Variants in ATG5 observed in about 807,000 individuals in gnomAD.
The protein encoded by ATG5 is autophagy protein 5.
ATG5 carries 14 observed loss-of-function variants against 36.5 expected under a neutral mutation model. The observed-to-expected ratio is 0.38, with a 90% confidence interval of 0.25 to 0.60. The LOEUF (loss-of-function observed/expected upper bound fraction) is 0.60, where lower values mean the gene tolerates loss of function less well. ATG5 is among the 20% of genes least tolerant of loss of function. The pLI is 0.60. For missense variants in ATG5, 195 were observed against 326.7 expected (o/e 0.60, Z 3.11); for synonymous variants, 95 against 101.5 (o/e 0.94, Z 0.38).
At chr6:106,283,640 T>C (rs1188932184) in intron 4 of ATG5, 1 of 152,228 alleles carries the variant, frequency 6.6e-6, no homozygotes, top group Non-Finnish European at 1.5e-5. Flanking sequence ...CCAGAACTCC[T>C]GGGCTCAAGC....
chr6:106,220,424 G>A (rs1261279561), intron 6 of ATG5, among the ~76,000 whole-genome samples: 1 of 150,166 alleles, frequency 6.7e-6, no homozygotes, highest in Non-Finnish European at 1.5e-5. Context: ...TCACACACAA[G>A]AACTGAGGCG....
intron 6 of ATG5, 152 bp downstream of exon 6, chr6:106,247,998 C>G: frequency 1.8e-6 from 1 of 561,776 alleles, no homozygotes; most frequent in Non-Finnish European, 3.1e-6. Context: ...AGTGCGGTAT[C>G]TGACTTGATT....
At chr6:106,215,919 A>G (rs1278424126) in intron 6 of ATG5, among the ~76,000 whole-genome samples, 1 of 152,250 alleles carries the variant, frequency 6.6e-6, no homozygotes, top group African/African-American at 2.4e-5. Context: ...AAAAAGTTAA[A>G]GAAGTCAATT....
chr6:106,243,535 A>G (rs1397481665), intron 6 of ATG5, among the ~76,000 whole-genome samples: 1 of 151,846 alleles, frequency 6.6e-6, no homozygotes, highest in African/African-American at 2.4e-5. Context: ...CTGGGGAAAA[A>G]AAAAAAAAAA....
At chr6:106,186,721 TGAA>T (rs1407161308) in intron 7 of ATG5, 45 bp from the exon 8 acceptor site, 1 of 1,596,514 alleles carries the variant, frequency 6.3e-7, no homozygotes, top group Non-Finnish European at 8.5e-7. Flanking sequence ...TCAAAACAGT[TGAA>T]GAAAAAATAA....
chr6:106,221,078 G>A (rs1432080859), intron 6 of ATG5, among the ~76,000 whole-genome samples: 1 of 152,170 alleles, frequency 6.6e-6, no homozygotes. Context: ...AATGAAAAAT[G>A]GGAGGACTGA....
chr6:106,210,303 G>A (rs1776806339), intron 6 of ATG5, among the ~76,000 whole-genome samples: 1 of 152,156 alleles, frequency 6.6e-6, no homozygotes, highest in Non-Finnish European at 1.5e-5. Flanking sequence ...TAATACTGGA[G>A]ATCTTTAAAA....
chr6:106,282,610 T>C (rs1264640996), intron 4 of ATG5, among the ~76,000 whole-genome samples: 1 of 152,214 alleles, frequency 6.6e-6, no homozygotes, highest in Non-Finnish European at 1.5e-5. Context: ...CGATAAACCA[T>C]CATGTAGCAT....
At chr6:106,307,493 A>T (rs1324603498) in intron 3 of ATG5, among the ~76,000 whole-genome samples, 3 of 150,646 alleles carry the variant, frequency 2.0e-5, no homozygotes, top group Non-Finnish European at 4.4e-5. Flanking sequence ...AAACATCATT[A>T]GTACATGGAT....
At chr6:106,198,042 T>C (rs922799311) in intron 7 of ATG5, among the ~76,000 whole-genome samples, 1 of 152,114 alleles carries the variant, frequency 6.6e-6, no homozygotes, top group African/African-American at 2.4e-5. Context: ...AAATAACTCA[T>C]CTATATTCCA....
chr6:106,229,307 G>A (rs1777574337), intron 6 of ATG5, among the ~76,000 whole-genome samples: 1 of 152,206 alleles, frequency 6.6e-6, no homozygotes, highest in Non-Finnish European at 1.5e-5. Flanking sequence ...GGGCAGTTAT[G>A]TGGGACCTGT....
rs1466755726 is a variant in ATG5, at chr6:106,244,141, T to C, written c.573+4009A>G. On this transcript the variant is annotated intron_variant, in intron 6 of 7. Transcript: ENST00000369076. Reference sequence around the variant, plus strand: ...CTATGTTGTATCCAGGCTGGTCTCATTTTAACTTTATTAGAAAACAAGCAT... The same window carrying C: ...CTATGTTGTATCCAGGCTGGTCTCACTTTAACTTTATTAGAAAACAAGCAT... Among the ~76,000 whole-genome samples, 5 of 151,988 alleles carry C rather than the reference T, an allele frequency of 3.3e-5. 1 individual carries two copies. The highest frequency in any genetic ancestry group is 1.2e-4 in the African/African-American group (5 of 41,396).
At chr6:106,301,101 A>G (rs1042585282) in intron 3 of ATG5, among the ~76,000 whole-genome samples, 3 of 152,200 alleles carry the variant, frequency 2.0e-5, no homozygotes, top group Middle Eastern at 3.4e-3. Flanking sequence ...AGTTGTGGTA[A>G]TAAGAAACTT....
intron 7 of ATG5, among the ~76,000 whole-genome samples, chr6:106,187,086 T>C (rs565066815): frequency 8.1e-4 from 124 of 152,284 alleles, no homozygotes; most frequent in South Asian, 3.3e-3. Flanking sequence ...ATTTTGAAAA[T>C]GTAAAATAGA....
At chr6:106,202,296 T>C in intron 6 of ATG5, 1 of 446,576 alleles carries the variant, frequency 2.2e-6, no homozygotes, top group Non-Finnish European at 4.0e-6. Context: ...AACAGACAAA[T>C]CCAAAGTTGG....
intron 6 of ATG5, among the ~76,000 whole-genome samples, chr6:106,218,850 T>TC (rs1358485893): frequency 6.6e-6 from 1 of 152,200 alleles, no homozygotes; most frequent in Non-Finnish European, 1.5e-5. Context: ...ACAGGTATTT[T>TC]CCCTTTAGCA....
chr6:106,187,010 T>A (rs374004871), intron 7 of ATG5, among the ~76,000 whole-genome samples: 5 of 152,224 alleles, frequency 3.3e-5, no homozygotes, highest in East Asian at 1.9e-4. Context: ...TTTATTTTAG[T>A]TATACATTAA....
chr6:106,260,874 C>G (rs757253939), intron 5 of ATG5, among the ~76,000 whole-genome samples: 1 of 152,188 alleles, frequency 6.6e-6, no homozygotes, highest in African/African-American at 2.4e-5. Context: ...CTGGTCTATA[C>G]AGGCCAAGTT....
chr6:106,210,695 A>G (rs545295207), intron 6 of ATG5, among the ~76,000 whole-genome samples: 1 of 152,240 alleles, frequency 6.6e-6, no homozygotes, highest in African/African-American at 2.4e-5. Flanking sequence ...ATTAGTACCT[A>G]TATGACCCTA....
Sources: allele counts gnomAD v4.1 joint callset (sites outside exome capture counted in the v4.1 genomes callset), GRCh38; gene constraint gnomAD v4.1.1; transcripts MANE v1.5; gene names NCBI Gene and HGNC (gene_info 2026-07-23, HGNC 2026-07-21).